Variants in ENPP3 observed in about 807,000 individuals in gnomAD.
ENPP3 encodes ectonucleotide pyrophosphatase/phosphodiesterase family member 3.
Under a neutral mutation model 117.8 loss-of-function variants are expected in ENPP3, and 104 were observed. The observed-to-expected ratio is 0.88, with a 90% CI of 0.75 to 1.04. The LOEUF is 1.04. Among genes scored for constraint, ENPP3 ranks in the 50% least tolerant of loss-of-function variants. The probability of loss-of-function intolerance (pLI) is 0.00; values close to 1 mark genes in which losing one functional copy is unlikely to be tolerated. For synonymous variants in ENPP3, 380 were observed against 349.9 expected (o/e 1.09, Z -0.96); for missense variants, 1,026 against 1,051.9 (o/e 0.98, Z 0.34).
chr6:131,737,324 C>G (rs1319823875), intron 21 of ENPP3, 31 bp from the exon 22 acceptor site: 1 of 1,400,792 alleles, frequency 7.1e-7, no homozygotes, highest in African/African-American at 1.4e-5. Context: ...TCTCTTATAG[C>G]TAGATCTAAT....
chr6:131,686,012 G>T, intron 14 of ENPP3, 105 bp downstream of exon 14: 3 of 476,386 alleles, frequency 6.3e-6, no homozygotes, highest in South Asian at 2.8e-5. Flanking sequence ...AAGCTACTTG[G>T]AATTTATTTC....
intron 7 of ENPP3, among the ~76,000 whole-genome samples, chr6:131,672,479 G>A (rs1778765767): frequency 6.6e-6 from 1 of 152,052 alleles, no homozygotes; most frequent in African/African-American, 2.4e-5. Context: ...CATAAATAAT[G>A]TGACTTTAAA....
chr6:131,680,091 T>C (rs181666524), intron 11 of ENPP3, among the ~76,000 whole-genome samples: 2 of 152,288 alleles, frequency 1.3e-5, no homozygotes, highest in East Asian at 3.9e-4. Flanking sequence ...GAGATCACTT[T>C]TATTGTGTAA....
rs778826629 is a variant in ENPP3 at position 131,652,707 on chromosome 6, TA to T, written c.403+41del. 10 of 1,613,078 alleles carry T rather than the reference TA, an allele frequency of 6.2e-6. No individual in the cohort carries two copies. The South Asian group carries it at 9.9e-5, about 16-fold the overall frequency. ...GTTGACTCATTTGCCCCTGCGAGTT[TA>T]GAGGAACTCCATGAGTTTCCTAGAG... On this transcript the variant is annotated intron_variant, in intron 4 of 24. Coordinates refer to ENST00000357639, the MANE Select transcript of ENPP3 (RefSeq NM_005021.5).
At chr6:131,683,814 G>A (rs545191854) in intron 12 of ENPP3, among the ~76,000 whole-genome samples, 59 of 143,650 alleles carry the variant, frequency 4.1e-4, no homozygotes, top group African/African-American at 1.5e-3. Context: ...GCAGTGGCCC[G>A]ATCTTGGCTC....
At chr6:131,689,188 A>G (rs918141514) in intron 14 of ENPP3, among the ~76,000 whole-genome samples, 2 of 152,244 alleles carry the variant, frequency 1.3e-5, no homozygotes, top group African/African-American at 4.8e-5. Context: ...AGCTAAGATC[A>G]TTGATGAAAA....
intron 1 of ENPP3, among the ~76,000 whole-genome samples, chr6:131,637,669 C>T (rs1777954462): frequency 6.6e-6 from 1 of 152,132 alleles, no homozygotes; most frequent in Non-Finnish European, 1.5e-5. Flanking sequence ...AACAAGTTAA[C>T]ATTACGTTAA....
At chr6:131,731,659 G>A (rs11758456) in intron 20 of ENPP3, among the ~76,000 whole-genome samples, 2,068 of 152,088 alleles carry the variant, frequency 0.014, 26 homozygotes, top group Non-Finnish European at 0.02. Flanking sequence ...AGCCTTATGC[G>A]AACTCCTGTC....
intron 15 of ENPP3, chr6:131,709,728 C>T (rs1779735196): frequency 1.9e-6 from 3 of 1,614,000 alleles, no homozygotes; most frequent in South Asian, 1.1e-5. Context: ...TATAGGTCTC[C>T]AGCTCTTCAG....
intron 23 of ENPP3, 122 bp downstream of exon 23, chr6:131,738,285 CTA>C (rs1780445278): frequency 2.5e-6 from 2 of 791,920 alleles, no homozygotes; most frequent in South Asian, 3.8e-5. Context: ...TTATTGTTGA[CTA>C]TTTTCAATCT....
chr6:131,735,903 T>C (rs983031168), intron 21 of ENPP3, among the ~76,000 whole-genome samples: 5 of 152,194 alleles, frequency 3.3e-5, no homozygotes, highest in Non-Finnish European at 7.3e-5. Context: ...TTCTGTACAG[T>C]ATTGTACGTA....
Position 131,722,423 on chromosome 6 carries a change from G to A in ENPP3, c.1746+18G>A, listed in dbSNP as rs142787838. ...TACAAAATGTAAGTAACAACTTCATGCATCCATAAGAACGTAAAGGGGCAA... is the reference window on the plus strand; with the variant it reads ...TACAAAATGTAAGTAACAACTTCATACATCCATAAGAACGTAAAGGGGCAA... On this transcript the variant is annotated intron_variant, in intron 18 of 24. Coordinates refer to ENST00000357639, the MANE Select transcript of ENPP3 (RefSeq NM_005021.5). 28 of 1,607,580 alleles carry A rather than the reference G, an allele frequency of 1.7e-5. No homozygotes were observed. Among genetic ancestry groups the A allele is most frequent in the Non-Finnish European group, 2.3e-5 (27 of 1,175,848 alleles).
intron 17 of ENPP3, among the ~76,000 whole-genome samples, chr6:131,721,623 A>G (rs1466647378): frequency 1.3e-5 from 2 of 152,160 alleles, no homozygotes; most frequent in South Asian, 2.1e-4. Context: ...ATGTATTTTC[A>G]TAGAAAAAAA....
intron 22 of ENPP3, 121 bp downstream of exon 22, chr6:131,737,553 T>C (rs989973326): frequency 1.6e-6 from 1 of 640,176 alleles, no homozygotes; most frequent in Non-Finnish European, 2.7e-6. Context: ...TTTGTTCTAA[T>C]GGTTTAAATA....
chr6:131,665,717 T>A (rs9493041), intron 6 of ENPP3, among the ~76,000 whole-genome samples: 50 of 152,194 alleles, frequency 3.3e-4, no homozygotes, highest in African/African-American at 1.2e-3. Flanking sequence ...TGTTTCTCCA[T>A]TCTCTATTTC....
At chr6:131,706,661 T>C (rs1456946045) in intron 15 of ENPP3, among the ~76,000 whole-genome samples, 1 of 149,248 alleles carries the variant, frequency 6.7e-6, no homozygotes, top group Non-Finnish European at 1.5e-5. Flanking sequence ...GATATCGAAA[T>C]GTGTTAAATG....
chr6:131,734,494 C>T (rs907255717), intron 21 of ENPP3, among the ~76,000 whole-genome samples: 2 of 152,030 alleles, frequency 1.3e-5, no homozygotes, highest in African/African-American at 4.8e-5. Flanking sequence ...AAGCAAGTAG[C>T]GTTATCAATT....
intron 21 of ENPP3, 54 bp from the exon 22 acceptor site, chr6:131,737,301 G>T (rs1238354599): frequency 9.6e-7 from 1 of 1,042,606 alleles, no homozygotes; most frequent in Non-Finnish European, 1.5e-6. Flanking sequence ...CTGTTGTGCA[G>T]TATGTCATAT....
At chr6:131,649,933 T>A in intron 2 of ENPP3, 94 bp from the exon 3 acceptor site, 1 of 1,313,398 alleles carries the variant, frequency 7.6e-7, no homozygotes, top group Non-Finnish European at 1.1e-6. Context: ...TCTGTCATAG[T>A]CTGTGCTGTG....
Sources: allele counts gnomAD v4.1 joint callset (sites outside exome capture counted in the v4.1 genomes callset), GRCh38; gene constraint gnomAD v4.1.1; transcripts MANE v1.5; gene names NCBI Gene and HGNC (gene_info 2026-07-23, HGNC 2026-07-21).